The following DIAPH2 variants were observed in gnomAD, a reference collection of about 807,000 sequenced individuals.
DIAPH2 encodes the protein protein diaphanous homolog 2.
Under a neutral mutation model 92.7 loss-of-function variants are expected in DIAPH2, and 35 were observed. The observed-to-expected ratio is 0.38, with a 90% confidence interval of 0.29 to 0.50. DIAPH2 has a LOEUF of 0.50. Among genes scored for constraint, DIAPH2 ranks in the 20% least tolerant of loss-of-function variants. The pLI, the probability that DIAPH2 is intolerant of heterozygous loss-of-function variation, is 0.94. For missense variants in DIAPH2, 701 were observed against 819.5 expected, an observed-to-expected ratio of 0.86 and a Z score of 1.77; for synonymous variants, 301 against 280.4, an observed-to-expected ratio of 1.07 and a Z score of -0.73.
chrX:96,729,858 A>T (rs1020516173), intron 1 of DIAPH2, among the ~76,000 whole-genome samples: 4 of 112,264 alleles, frequency 3.6e-5, no homozygotes, highest in Non-Finnish European at 7.5e-5. Flanking sequence ...GGTCACAAAA[A>T]TACAAAAGTA....
intron 23 of DIAPH2, among the ~76,000 whole-genome samples, chrX:97,295,459 A>G (rs2068635210): frequency 8.9e-6 from 1 of 111,760 alleles, no homozygotes; most frequent in Non-Finnish European, 1.9e-5. Context: ...AAACACCTAA[A>G]ACAATCTAAA....
intron 22 of DIAPH2, among the ~76,000 whole-genome samples, chrX:97,167,242 T>A (rs1276230637): frequency 9.1e-6 from 1 of 109,609 alleles, no homozygotes; most frequent in Non-Finnish European, 1.9e-5. Flanking sequence ...CTTTTTTTTT[T>A]ATCTTAGAAC....
chrX:96,861,188 A>G, intron 4 of DIAPH2, among the ~76,000 whole-genome samples: 1 of 111,496 alleles, frequency 9.0e-6, no homozygotes. Flanking sequence ...AGGATGGAAC[A>G]ATTTGAATAG....
intron 26 of DIAPH2, among the ~76,000 whole-genome samples, chrX:97,546,368 T>A (rs774459753): frequency 2.7e-5 from 3 of 111,944 alleles, no homozygotes; most frequent in Non-Finnish European, 3.8e-5. Context: ...TCCCTTAAAA[T>A]TATAAAAGGT....
intron 12 of DIAPH2, among the ~76,000 whole-genome samples, chrX:96,941,668 A>G (rs1046936458): frequency 3.6e-5 from 4 of 111,375 alleles, no homozygotes; most frequent in African/African-American, 1.3e-4. Flanking sequence ...CCATTTCTGT[A>G]TCCATGAATG....
At chrX:97,257,957 TAAAAAAAAA>T (rs59772699) in intron 23 of DIAPH2, among the ~76,000 whole-genome samples, 2 of 92,400 alleles carry the variant, frequency 2.2e-5, no homozygotes, top group Admixed American at 2.3e-4. Context: ...GTTCTTTGTT[TAAAAAAAAA>T]AAAAAAAAAA....
Position 96,715,753 on chromosome X carries a change from A to G in DIAPH2, c.133-20005A>G, listed in dbSNP as rs537864595. 3.6e-5 allele frequency among the ~76,000 whole-genome samples: 4 copies of G among 111,687 alleles called. No individual in the cohort carries two copies. In the South Asian group the frequency reaches 1.5e-3, roughly 42 times the overall value. On this transcript the variant is annotated intron_variant, in intron 1 of 26. Transcript: ENST00000324765. ...GTCTTTTCATGTTTGTTTAATGATGAGAAACGATTAGGGTTTGAGGGAGTG... is the reference window on the plus strand; with the variant it reads ...GTCTTTTCATGTTTGTTTAATGATGGGAAACGATTAGGGTTTGAGGGAGTG...
intron 23 of DIAPH2, among the ~76,000 whole-genome samples, chrX:97,322,080 T>C (rs1328674167): frequency 8.9e-6 from 1 of 112,750 alleles, no homozygotes. Flanking sequence ...AGCAATGGAG[T>C]TGAAAATTTA....
chrX:96,718,468 C>T (rs377169847), intron 1 of DIAPH2, among the ~76,000 whole-genome samples: 1 of 103,532 alleles, frequency 9.7e-6, no homozygotes, highest in East Asian at 3.2e-4. Flanking sequence ...ATTCTCCTGC[C>T]TCAGCCTCCC....
At chrX:96,870,559 C>A (rs1161175261) in intron 4 of DIAPH2, among the ~76,000 whole-genome samples, 1 of 110,081 alleles carries the variant, frequency 9.1e-6, no homozygotes, top group Non-Finnish European at 1.9e-5. Context: ...TACAGGCAAT[C>A]CCATTCAGTG....
chrX:96,770,981 G>A (rs2064335090), intron 4 of DIAPH2, among the ~76,000 whole-genome samples: 1 of 111,494 alleles, frequency 9.0e-6, no homozygotes, highest in African/African-American at 3.3e-5. Context: ...GTTTTGAAAG[G>A]TTTTGTTATT....
chrX:96,962,312 CATATATATAT>C lies in DIAPH2; in HGVS notation c.1936-2779_1936-2770del, dbSNP rs371657905. 5.4e-4 allele frequency among the ~76,000 whole-genome samples: 32 copies of C among 59,492 alleles called. 2 individuals carry two copies. Among genetic ancestry groups the C allele is most frequent in the African/African-American group, 2.1e-3 (27 of 12,858 alleles). 51.7% of individuals were successfully genotyped at this position (59,492 alleles called of 115,157 possible). On this transcript the variant is annotated intron_variant, in intron 16 of 26. Transcript: ENST00000324765. Reference sequence around the variant, plus strand: ...ATATATATATATACATATATATATACATATATATATACACATATATATATACATATATATA... The same window carrying C: ...ATATATATATATACATATATATATACACACATATATATATACATATATATA...
chrX:96,977,083 A>G (rs1167320999), intron 17 of DIAPH2, among the ~76,000 whole-genome samples: 1 of 111,490 alleles, frequency 9.0e-6, no homozygotes, highest in East Asian at 2.8e-4. Context: ...AATGGCTTCT[A>G]TGCCCTTAGT....
chrX:97,457,272 C>T (rs1272883989), intron 26 of DIAPH2, among the ~76,000 whole-genome samples: 1 of 112,308 alleles, frequency 8.9e-6, no homozygotes. Context: ...CCACCCCTCT[C>T]CCAAAGTGCT....
rs2071493874 is a variant in DIAPH2 at position 97,588,590 on chromosome X, T to C, written c.3242-10663T>C. Among the ~76,000 whole-genome samples, 3 of 110,796 alleles carry C rather than the reference T, an allele frequency of 2.7e-5. No homozygotes were observed. In the South Asian group the frequency reaches 1.2e-3, roughly 43 times the overall value. On this transcript the variant is annotated intron_variant, in intron 26 of 26. Transcript: ENST00000324765. ...CATCTGTTTGGAGAGAGTCAATCTTTTAGAGAGAATGACTTTTTAAGACTT... is the reference window on the plus strand; with the variant it reads ...CATCTGTTTGGAGAGAGTCAATCTTCTAGAGAGAATGACTTTTTAAGACTT...
intron 19 of DIAPH2, among the ~76,000 whole-genome samples, chrX:97,077,150 T>A (rs2066710785): frequency 8.9e-6 from 1 of 111,823 alleles, no homozygotes; most frequent in Non-Finnish European, 1.9e-5. Flanking sequence ...ATTGCTTTTA[T>A]CTAGACAAAT....
At chrX:97,407,936 A>G (rs1330442235) in intron 25 of DIAPH2, among the ~76,000 whole-genome samples, 1 of 111,531 alleles carries the variant, frequency 9.0e-6, no homozygotes, top group East Asian at 2.8e-4. Flanking sequence ...TAATGCCACT[A>G]TTTTCTCTGG....
At chrX:96,984,622 G>A (rs1322932426) in intron 17 of DIAPH2, among the ~76,000 whole-genome samples, 2 of 111,045 alleles carry the variant, frequency 1.8e-5, no homozygotes, top group East Asian at 5.6e-4. Context: ...GGATTAATAT[G>A]GTTAGAATTG....
intron 22 of DIAPH2, among the ~76,000 whole-genome samples, chrX:97,185,317 ATATATATGTGTATATATATATATG>A (rs1569322951): frequency 2.8e-4 from 15 of 52,895 alleles, no homozygotes; most frequent in African/African-American, 1.3e-3. Context: ...ATATATATAT[ATATATATGTGTATATATATATATG>A]TATATATATA....
Sources: gnomAD v4.1 joint callset for allele counts (sites outside exome capture counted in the v4.1 genomes callset) on GRCh38, gnomAD v4.1.1 for gene constraint, MANE v1.5 for transcripts, NCBI Gene and HGNC (gene_info 2026-07-23, HGNC 2026-07-21) for gene names.